The following BDNF variants were observed in gnomAD, a reference collection of about 807,000 sequenced individuals.
BDNF encodes neurotrophic factor BDNF precursor form.
In BDNF, 1 loss-of-function variant was observed where a neutral mutation model predicts 19.5. The observed-to-expected ratio is 0.05, with a 90% CI of 0.02 to 0.24. BDNF has a LOEUF of 0.24. Ranked by LOEUF, BDNF falls within the 10% of genes least tolerant of loss-of-function variation. The pLI, the probability that BDNF is intolerant of heterozygous loss-of-function variation, is 1.00. For synonymous variants in BDNF, 100 were observed against 121.6 expected, an observed-to-expected ratio of 0.82 and a Z score of 1.17; for missense variants, 195 against 317.6, an observed-to-expected ratio of 0.61 and a Z score of 2.93.
upstream of BDNF, among the ~76,000 whole-genome samples, chr11:27,705,028 A>AT (rs1860055614): frequency 6.6e-6 from 1 of 152,200 alleles, no homozygotes. Flanking sequence ...CCATCTGGGA[A>AT]TAATATTTAG....
intron 1 of BDNF, chr11:27,675,859 G>T (rs1856029238): frequency 6.6e-6 from 1 of 152,104 alleles, no homozygotes; most frequent in African/African-American, 2.4e-5. Context: ...CCAAAGGAAG[G>T]AGGGTCATGG....
At chr11:27,688,450 G>A (rs1857796756) in intron 1 of BDNF, among the ~76,000 whole-genome samples, 1 of 152,214 alleles carries the variant, frequency 6.6e-6, no homozygotes, top group Admixed American at 6.5e-5. Flanking sequence ...AGGTGCCACT[G>A]GGGTATGAGA....
At chr11:27,720,729 A>G in intron 1 of BDNF, 2 of 986,080 alleles carry the variant, frequency 2.0e-6, no homozygotes, top group South Asian at 4.7e-5. Context: ...CACACCCGGC[A>G]CAGCAGGAGG....
At chr11:27,660,085 A>T in intron 1 of BDNF, 1 of 620,606 alleles carries the variant, frequency 1.6e-6, no homozygotes, top group Non-Finnish European at 2.2e-6. Context: ...GGCCATCATG[A>T]TATCCAAATA....
At chr11:27,663,596 T>C (rs1853809553) in intron 1 of BDNF, among the ~76,000 whole-genome samples, 1 of 152,234 alleles carries the variant, frequency 6.6e-6, no homozygotes. Flanking sequence ...TGGGTATTAT[T>C]ATCCCCATTA....
intron 1 of BDNF, among the ~76,000 whole-genome samples, chr11:27,673,656 C>G (rs1047739640): frequency 2.6e-5 from 4 of 152,136 alleles, no homozygotes; most frequent in Non-Finnish European, 5.9e-5. Flanking sequence ...CCCAGTTTTT[C>G]CACAGACGGT....
chr11:27,669,472 T>G (rs1854963874), intron 1 of BDNF, among the ~76,000 whole-genome samples: 2 of 152,226 alleles, frequency 1.3e-5, no homozygotes, highest in Non-Finnish European at 2.9e-5. Flanking sequence ...AAATTGTCTC[T>G]GTTTGCAGAT....
chr11:27,718,630 C>A lies in BDNF; in HGVS notation c.3+2782G>T, dbSNP rs1020225446. 2.1e-5 allele frequency among the ~76,000 whole-genome samples: 3 copies of A among 141,720 alleles called. No homozygotes were observed. The Admixed American group carries it at 2.3e-4, about 11-fold the overall frequency. 93.0% of individuals were successfully genotyped at this position (141,720 alleles called of 152,430 possible). ...CTGAGAAAACGACTGGATCTCGGAACAATCTGTGCCCCATTCGCTGCAGGC... is the reference window on the plus strand; with the variant it reads ...CTGAGAAAACGACTGGATCTCGGAAAAATCTGTGCCCCATTCGCTGCAGGC... On this transcript the variant is annotated intron_variant, in intron 1 of 1. Coordinates refer to the BDNF transcript ENST00000314915.
upstream of BDNF, among the ~76,000 whole-genome samples, chr11:27,705,083 G>A (rs1478571222): frequency 6.6e-6 from 1 of 152,168 alleles, no homozygotes; most frequent in Non-Finnish European, 1.5e-5. Flanking sequence ...AAACTGTTGA[G>A]ACTAAACCCC....
rs2133788277 is a variant in BDNF, at chr11:27,658,835, T to C, written c.-21-250A>G. 7.3e-7 allele frequency: 1 copy of C among 1,362,312 alleles called. No individual in the cohort carries two copies. The highest frequency in any genetic ancestry group is 1.5e-5 in the African/African-American group (1 of 68,142). 84.4% of individuals were successfully genotyped at this position (1,362,312 alleles called of 1,614,324 possible). A position where few individuals can be genotyped will look rare whatever the true frequency, so the allele number is the denominator to read the frequency against. On this transcript the variant is annotated intron_variant, in intron 1 of 1. Transcript: ENST00000356660. This position sits in a 1 kb window ranked among gnomAD's most constrained non-coding sequence, Gnocchi z 5.7. Reference sequence around the variant, plus strand: ...GCATATAAACCTGAGATTAGATGGCTTCTAAGCAAGTGCAAAAATTGTGGC... The same window carrying C: ...GCATATAAACCTGAGATTAGATGGCCTCTAAGCAAGTGCAAAAATTGTGGC...
intron 1 of BDNF, among the ~76,000 whole-genome samples, chr11:27,707,827 G>A (rs1431018950): frequency 1.3e-5 from 2 of 152,090 alleles, no homozygotes; most frequent in African/African-American, 4.8e-5. Context: ...TGCTTGGACA[G>A]TAGTCATGAC....
At chr11:27,698,320 A>C (rs374011533) in intron 1 of BDNF, 4 of 149,690 alleles carry the variant, frequency 2.7e-5, no homozygotes, top group African/African-American at 9.7e-5. Flanking sequence ...TGTTTTTAAA[A>C]GGTGCTGTTC....
intron 1 of BDNF, among the ~76,000 whole-genome samples, chr11:27,679,392 T>A (rs575864392): frequency 2.0e-5 from 3 of 152,360 alleles, no homozygotes; most frequent in South Asian, 2.1e-4. Flanking sequence ...TTACATTTTT[T>A]ATGAATTAGT....
At chr11:27,660,093 A>G in intron 1 of BDNF, 2 of 722,468 alleles carry the variant, frequency 2.8e-6, no homozygotes, top group Non-Finnish European at 3.6e-6. Flanking sequence ...TGATATCCAA[A>G]TAAGTAGGAA....
rs528599904 is a variant in BDNF, at chr11:27,686,661, T to A, written c.-22+13503A>T. Among the ~76,000 whole-genome samples, 28 of 152,330 alleles carry A rather than the reference T, an allele frequency of 1.8e-4. No individual in the cohort carries two copies. In the East Asian group the frequency reaches 4.8e-3, roughly 26 times the overall value. ...TTATTTCTACTTCACTTCTGAAGCT[T>A]AGTTGGCTGGATATGAAATTCTGGG... On this transcript the variant is annotated intron_variant, in intron 1 of 1. Transcript: ENST00000356660.
chr11:27,699,144 C>A (rs1859576533), intron 1 of BDNF, among the ~76,000 whole-genome samples: 1 of 151,304 alleles, frequency 6.6e-6, no homozygotes, highest in South Asian at 2.1e-4. Flanking sequence ...AGAGGGCACC[C>A]TCTACCTTCC....
At chr11:27,721,314 C>G (rs145503674) in intron 1 of BDNF, 14,506 of 1,395,242 alleles carry the variant, frequency 0.01, 91 homozygotes, top group Non-Finnish European at 0.013. Context: ...AGCTGCTGTT[C>G]TTTGGCGTGT....
At chr11:27,663,709 G>A (rs1853832324) in intron 1 of BDNF, among the ~76,000 whole-genome samples, 1 of 152,202 alleles carries the variant, frequency 6.6e-6, no homozygotes, top group Non-Finnish European at 1.5e-5. Context: ...CCATCAGGAT[G>A]TGTTGCCAGT....
Position 27,718,354 on chromosome 11 carries a change from A to ACCCCCCCCCCC in BDNF, c.3+3057_3+3058insGGGGGGGGGGG, listed in dbSNP as rs376255605. Among the ~76,000 whole-genome samples the ACCCCCCCCCCC allele has an allele frequency of 9.1e-4, 92 of 101,116 alleles. 1 individual carries two copies. The highest frequency in any genetic ancestry group is 1.2e-3 in the Non-Finnish European group (57 of 48,894). 66.3% of individuals were successfully genotyped at this position (101,116 alleles called of 152,430 possible). A position where few individuals can be genotyped will look rare whatever the true frequency, so the allele number is the denominator to read the frequency against. ...TCCTCCATTCCCCGTTCCGCACACCACCCCCCCCCGCCCCTCCCGGGATTT... is the reference window on the plus strand; with the variant it reads ...TCCTCCATTCCCCGTTCCGCACACCACCCCCCCCCCCCCCCCCCCCGCCCCTCCCGGGATTT... On this transcript the variant is annotated intron_variant, in intron 1 of 1. Coordinates refer to the BDNF transcript ENST00000314915.
Sources: allele counts gnomAD v4.1 joint callset (sites outside exome capture counted in the v4.1 genomes callset), GRCh38; gene constraint gnomAD v4.1.1; non-coding constraint Gnocchi (gnomAD v3.1); transcripts MANE v1.5; gene names NCBI Gene and HGNC (gene_info 2026-07-23, HGNC 2026-07-21).